LIMCH1: variants seen among roughly 807,000 people sequenced by gnomAD.
LIMCH1 encodes LIM and calponin homology domains-containing protein 1.
A neutral mutation model predicts 176.5 loss-of-function variants in LIMCH1; 113 were observed. The ratio of observed to expected loss-of-function variants is 0.64; its 90% confidence interval spans 0.55 to 0.75. The LOEUF (loss-of-function observed/expected upper bound fraction) is 0.75, where lower values mean the gene tolerates loss of function less well. LIMCH1 is among the 30% of genes least tolerant of loss of function. The probability of loss-of-function intolerance (pLI) is 0.00; values close to 1 mark genes in which losing one functional copy is unlikely to be tolerated. For missense variants in LIMCH1, 1,674 were observed against 1,814.9 expected, an observed-to-expected ratio of 0.92 and a Z score of 1.41; for synonymous variants, 619 against 645.9, an observed-to-expected ratio of 0.96 and a Z score of 0.63.
chr4:41,686,905 T>C (rs2153067656), intron 28 of LIMCH1, among the ~76,000 whole-genome samples: 2 of 152,356 alleles, frequency 1.3e-5, no homozygotes, highest in African/African-American at 2.4e-5. Flanking sequence ...GAAGCTAAAA[T>C]TGGCTAGAAG....
chr4:41,518,791 T>A (rs770187881), intron 2 of LIMCH1, among the ~76,000 whole-genome samples: 1 of 152,114 alleles, frequency 6.6e-6, no homozygotes, highest in African/African-American at 2.4e-5. Context: ...TGTCCATGTG[T>A]TCTCATTGTT....
intron 1 of LIMCH1, among the ~76,000 whole-genome samples, chr4:41,573,133 T>C (rs1391220859): frequency 1.3e-5 from 2 of 152,142 alleles, no homozygotes; most frequent in Admixed American, 6.5e-5. Context: ...TATGCACCAG[T>C]GGTGATGCCA....
chr4:41,681,020 G>A lies in LIMCH1; in HGVS notation c.3678G>A (p.Leu1226=). The A allele has an allele frequency of 6.2e-7, 1 of 1,612,478 alleles. No homozygotes were observed. The highest frequency in any genetic ancestry group is 8.5e-7 in the Non-Finnish European group (1 of 1,178,720). Reference sequence around the variant, plus strand: ...TTTCTTCAAGTTCCGCTGACCAGCTGTCTACCTCTTCCTCCATGACTGAAG... The same window carrying A: ...TTTCTTCAAGTTCCGCTGACCAGCTATCTACCTCTTCCTCCATGACTGAAG... ...FTVSSSSADQ[L]STSSSMTEGS... is the part of the protein sequence containing the mutation. The change falls in exon 25 of 32, where the codon CTG becomes CTA. Residue 1226 remains leucine, a synonymous_variant. Coordinates refer to ENST00000503057, the MANE Select transcript of LIMCH1 (RefSeq NM_001330672.2).
chr4:41,541,975 C>T (rs1031507304), intron 1 of LIMCH1, among the ~76,000 whole-genome samples: 4 of 152,076 alleles, frequency 2.6e-5, no homozygotes, highest in Non-Finnish European at 5.9e-5. Context: ...ACCCCAGGTC[C>T]GACATCTGAA....
At chr4:41,543,652 T>G (rs2078976411) in intron 1 of LIMCH1, among the ~76,000 whole-genome samples, 1 of 152,170 alleles carries the variant, frequency 6.6e-6, no homozygotes, top group African/African-American at 2.4e-5. Flanking sequence ...TCTTAATTCT[T>G]TGGTCTGAGT....
At chr4:41,382,278 T>C (rs551367996) in intron 1 of LIMCH1, among the ~76,000 whole-genome samples, 15 of 151,838 alleles carry the variant, frequency 9.9e-5, no homozygotes, top group East Asian at 7.8e-4. Context: ...AGTAGATTTG[T>C]AGGTAGAGTT....
intron 3 of LIMCH1, among the ~76,000 whole-genome samples, chr4:41,528,192 T>A (rs1197867840): frequency 6.6e-6 from 1 of 151,732 alleles, no homozygotes; most frequent in Non-Finnish European, 1.5e-5. Context: ...TATAATTTCA[T>A]ATACACATAG....
intron 1 of LIMCH1, among the ~76,000 whole-genome samples, chr4:41,436,990 T>C (rs2062153848): frequency 6.6e-6 from 1 of 152,196 alleles, no homozygotes; most frequent in African/African-American, 2.4e-5. Context: ...TTGCACTCTT[T>C]GTTATTTCTG....
chr4:41,578,650 A>AT (rs528424003), intron 1 of LIMCH1, among the ~76,000 whole-genome samples: 80 of 151,798 alleles, frequency 5.3e-4, no homozygotes, highest in Non-Finnish European at 9.9e-4. Flanking sequence ...AGTAGGCCAA[A>AT]TTTCCCCCCA....
At chr4:41,617,001 A>G (rs1283537214) in intron 5 of LIMCH1, among the ~76,000 whole-genome samples, 2 of 152,046 alleles carry the variant, frequency 1.3e-5, no homozygotes, top group Non-Finnish European at 2.9e-5. Context: ...TAATTGGGGG[A>G]AAAAGTGATT....
intron 1 of LIMCH1, among the ~76,000 whole-genome samples, chr4:41,542,715 A>G (rs1416955123): frequency 2.0e-5 from 3 of 152,186 alleles, no homozygotes; most frequent in Non-Finnish European, 4.4e-5. Context: ...CCAGAAATCC[A>G]TCCCATCATA....
chr4:41,574,189 T>G (rs2084026668), intron 1 of LIMCH1, among the ~76,000 whole-genome samples: 1 of 144,174 alleles, frequency 6.9e-6, no homozygotes, highest in African/African-American at 2.6e-5. Flanking sequence ...GTGTTGAAGG[T>G]GTGAAGAGGA....
In LIMCH1 at chr4:41,698,413, C is replaced by T. The variant is rs774237100; in HGVS notation, c.*1228C>T. 1.3e-5 allele frequency: 2 copies of T among 152,164 alleles called. No individual in the cohort carries two copies. The highest frequency in any genetic ancestry group is 3.9e-4 in the East Asian group (2 of 5,190). The allele number at this position is 152,164 out of a possible 1,614,324, so 9.4% of individuals were successfully genotyped here. A position where few individuals can be genotyped will look rare whatever the true frequency, so the allele number is the denominator to read the frequency against. ...CTCTTGTGGAGAGCTGGTTTATTTT[C>T]TGCCCTGTGCGACGAGTTTCAGCTG... On this transcript the variant is annotated 3_prime_UTR_variant, in exon 32 of 32. Coordinates refer to ENST00000503057, the MANE Select transcript of LIMCH1 (RefSeq NM_001330672.2).
At chr4:41,444,010 A>G (rs1017829372) in intron 1 of LIMCH1, among the ~76,000 whole-genome samples, 4 of 151,974 alleles carry the variant, frequency 2.6e-5, no homozygotes, top group Non-Finnish European at 5.9e-5. Context: ...GTCAGAGAAA[A>G]CTCTGTAATC....
At chr4:41,694,539 T>TTCCA (rs1728931761) in intron 31 of LIMCH1, among the ~76,000 whole-genome samples, 1 of 152,210 alleles carries the variant, frequency 6.6e-6, no homozygotes, top group Admixed American at 6.5e-5. Context: ...CTTAATGATA[T>TTCCA]ATCTTGGTAA....
At chr4:41,365,943 G>A (rs1193074086) in intron 1 of LIMCH1, among the ~76,000 whole-genome samples, 5 of 152,226 alleles carry the variant, frequency 3.3e-5, no homozygotes, top group African/African-American at 1.2e-4. Context: ...GGCTGAGCAT[G>A]TGTTCTCAGC....
intron 1 of LIMCH1, among the ~76,000 whole-genome samples, chr4:41,460,455 C>CATATATATATATATATAT (rs1302547339): frequency 0.021 from 1,906 of 91,756 alleles, 70 homozygotes; most frequent in South Asian, 0.052. Flanking sequence ...CTATAGTAAT[C>CATATATATATATATATAT]ATCTATATAT....
chr4:41,448,206 C>T (rs4299620), intron 1 of LIMCH1, among the ~76,000 whole-genome samples: 19,434 of 152,194 alleles, frequency 0.13, 3,725 homozygotes, highest in African/African-American at 0.41. Context: ...GAGGTGTCTG[C>T]AGTCATGATG....
intron 1 of LIMCH1, among the ~76,000 whole-genome samples, chr4:41,464,500 C>T (rs1252204043): frequency 6.6e-6 from 1 of 151,842 alleles, no homozygotes; most frequent in African/African-American, 2.4e-5. Flanking sequence ...CCTCAGCCTC[C>T]TGAGTAGCTG....
Sources: gnomAD v4.1 joint callset for allele counts (sites outside exome capture counted in the v4.1 genomes callset) on GRCh38, gnomAD v4.1.1 for gene constraint, MANE v1.5 for transcripts, NCBI Gene and HGNC (gene_info 2026-07-23, HGNC 2026-07-21) for gene names.